RGS6: variants seen among roughly 807,000 people sequenced by gnomAD.
The protein encoded by RGS6 is regulator of G-protein signaling 6.
In RGS6, 30 loss-of-function variants were observed where a neutral mutation model predicts 78.5. The observed-to-expected ratio is 0.38, with a 90% CI of 0.29 to 0.52. The LOEUF (loss-of-function observed/expected upper bound fraction) is 0.52. Among genes scored for constraint, RGS6 ranks in the 20% least tolerant of loss-of-function variants. The pLI, the probability that RGS6 is intolerant of heterozygous loss-of-function variation, is 0.85. For synonymous variants in RGS6, 206 were observed against 206.0 expected (o/e 1.00, Z 0.00); for missense variants, 495 against 609.7 (o/e 0.81, Z 1.98).
chr14:72,001,054 C>T (rs142337726), intron 2 of RGS6, among the ~76,000 whole-genome samples: 4 of 152,288 alleles, frequency 2.6e-5, no homozygotes, highest in South Asian at 2.1e-4. Flanking sequence ...TTTCAGGATT[C>T]GGTTTTTGGT....
chr14:72,330,015 A>G (rs781383730), intron 2 of RGS6, among the ~76,000 whole-genome samples: 4 of 152,220 alleles, frequency 2.6e-5, no homozygotes, highest in African/African-American at 9.6e-5. Flanking sequence ...GGATGGCATC[A>G]TGTCCATTTT....
At chr14:72,442,593 G>A (rs949805390) in intron 3 of RGS6, among the ~76,000 whole-genome samples, 4 of 152,154 alleles carry the variant, frequency 2.6e-5, no homozygotes, top group African/African-American at 4.8e-5. Context: ...TCGTAATAAC[G>A]GCAATGACAA....
At chr14:72,573,831 G>C in the RGS6 span, among the ~76,000 whole-genome samples, 1 of 152,142 alleles carries the variant, frequency 6.6e-6, no homozygotes, top group East Asian at 1.9e-4. Flanking sequence ...TAAGAAAGCT[G>C]CATATACACA....
intron 2 of RGS6, among the ~76,000 whole-genome samples, chr14:72,081,479 G>C (rs888970108): frequency 2.0e-5 from 3 of 151,998 alleles, no homozygotes; most frequent in African/African-American, 7.2e-5. Flanking sequence ...CCTCAAATAT[G>C]TATTTCTGCT....
At chr14:72,537,035 T>G (rs1363841517) in intron 16 of RGS6, among the ~76,000 whole-genome samples, 1 of 152,012 alleles carries the variant, frequency 6.6e-6, no homozygotes, top group Non-Finnish European at 1.5e-5. Context: ...GGCAGGAGAA[T>G]AGGGTCCAGG....
intron 2 of RGS6, among the ~76,000 whole-genome samples, chr14:72,181,998 A>C (rs1214882732): frequency 6.6e-6 from 1 of 152,144 alleles, no homozygotes; most frequent in Admixed American, 6.5e-5. Flanking sequence ...GTTGCTGTCC[A>C]CTCCTTGTTT....
the RGS6 span, among the ~76,000 whole-genome samples, chr14:72,584,661 C>T: frequency 5.3e-5 from 8 of 152,168 alleles, no homozygotes; most frequent in Non-Finnish European, 7.3e-5. Context: ...AAGCGCCAGC[C>T]TCTGCCATGG....
intron 3 of RGS6, among the ~76,000 whole-genome samples, chr14:72,442,671 A>G (rs2095247572): frequency 6.6e-6 from 1 of 152,204 alleles, no homozygotes; most frequent in Admixed American, 6.5e-5. Context: ...AACATCTTAC[A>G]GGTGTTATCC....
At chr14:72,584,132 G>A in the RGS6 span, among the ~76,000 whole-genome samples, 1 of 152,182 alleles carries the variant, frequency 6.6e-6, no homozygotes, top group East Asian at 1.9e-4. Flanking sequence ...AAATGTGGGT[G>A]TCAGATTTCA....
intron 2 of RGS6, among the ~76,000 whole-genome samples, chr14:72,159,017 T>C (rs1815793514): frequency 6.6e-6 from 1 of 152,230 alleles, no homozygotes; most frequent in Non-Finnish European, 1.5e-5. Flanking sequence ...AATGAGCTAA[T>C]ACCTAATATA....
At chr14:72,468,566 T>C (rs2095987740) in intron 7 of RGS6, among the ~76,000 whole-genome samples, 1 of 152,136 alleles carries the variant, frequency 6.6e-6, no homozygotes, top group African/African-American at 2.4e-5. Flanking sequence ...AACCTGTGAC[T>C]CCCCCTCACC....
intron 2 of RGS6, among the ~76,000 whole-genome samples, chr14:72,242,268 C>T (rs2053064655): frequency 6.6e-6 from 1 of 152,202 alleles, no homozygotes; most frequent in East Asian, 1.9e-4. Flanking sequence ...TGCTCTTGGG[C>T]TTTTCAGTGA....
intron 13 of RGS6, among the ~76,000 whole-genome samples, chr14:72,501,518 AAG>A (rs1396325406): frequency 2.0e-5 from 3 of 152,298 alleles, no homozygotes; most frequent in African/African-American, 7.2e-5. Context: ...CCTAAAGAAA[AAG>A]AGTAAATTCT....
intron 2 of RGS6, among the ~76,000 whole-genome samples, chr14:72,013,806 G>A (rs1307828969): frequency 0.011 from 2 of 188 alleles, no homozygotes; most frequent in Non-Finnish European, 0.025. Flanking sequence ...AGTGGGCTGG[G>A]GCCTTCAGGC....
intron 2 of RGS6, among the ~76,000 whole-genome samples, chr14:72,113,262 G>T (rs985234106): frequency 3.3e-5 from 5 of 152,204 alleles, no homozygotes; most frequent in African/African-American, 1.2e-4. Context: ...TCTACCTCAA[G>T]GTAGGTGACC....
the RGS6 span, among the ~76,000 whole-genome samples, chr14:71,889,871 TAGTTGTTTAAAAGTGTGTAGCAC>T: frequency 6.6e-6 from 1 of 152,162 alleles, no homozygotes; most frequent in Admixed American, 6.5e-5. Flanking sequence ...TCCTAAGATC[TAGTTGTTTAAAAGTGTGTAGCAC>T]CTCCTCTCTC....
At chr14:72,523,651 C>T (rs538050167) in intron 15 of RGS6, among the ~76,000 whole-genome samples, 7 of 152,248 alleles carry the variant, frequency 4.6e-5, no homozygotes, top group African/African-American at 1.4e-4. Flanking sequence ...ACCCTGTTAT[C>T]GTGGGCCCAG....
intron 2 of RGS6, among the ~76,000 whole-genome samples, chr14:72,104,577 A>G (rs1176355564): frequency 1.3e-5 from 2 of 152,196 alleles, no homozygotes; most frequent in East Asian, 1.9e-4. Context: ...CTAAAACTAC[A>G]TCCAGACGCA....
chr14:72,318,815 A>G (rs993670297), intron 2 of RGS6, among the ~76,000 whole-genome samples: 1 of 152,164 alleles, frequency 6.6e-6, no homozygotes, highest in East Asian at 1.9e-4. Flanking sequence ...GTAGTAGCAA[A>G]TGAAACTGAA....
Sources: gnomAD v4.1 joint callset for allele counts (sites outside exome capture counted in the v4.1 genomes callset) on GRCh38, gnomAD v4.1.1 for gene constraint, MANE v1.5 for transcripts, NCBI Gene and HGNC (gene_info 2026-07-23, HGNC 2026-07-21) for gene names.